DNAJC3: variants seen among roughly 807,000 people sequenced by gnomAD.
DNAJC3 encodes the protein dnaJ homolog subfamily C member 3.
DNAJC3 carries 38 observed loss-of-function variants against 68.6 expected under a neutral mutation model. The ratio of observed to expected loss-of-function variants is 0.55; its 90% CI spans 0.43 to 0.73. The LOEUF is 0.73. DNAJC3 is among the 30% of genes least tolerant of loss of function. The pLI, the probability that DNAJC3 is intolerant of heterozygous loss-of-function variation, is 0.00. For missense variants in DNAJC3, 526 were observed against 591.9 expected (o/e 0.89, Z 1.16); for synonymous variants, 203 against 204.0 (o/e 1.00, Z 0.04).
intron 2 of DNAJC3, among the ~76,000 whole-genome samples, chr13:95,718,806 G>A (rs1359236844): frequency 6.6e-6 from 1 of 152,178 alleles, no homozygotes; most frequent in East Asian, 1.9e-4. Context: ...GAATTCTTCT[G>A]TGACCTCTGG....
intron 4 of DNAJC3, among the ~76,000 whole-genome samples, chr13:95,743,101 C>G (rs1882199093): frequency 6.6e-6 from 1 of 152,160 alleles, no homozygotes; most frequent in African/African-American, 2.4e-5. Context: ...TTTTATGGGA[C>G]TATTTCTAGG....
chr13:95,788,550 A>T (rs1883669994), intron 11 of DNAJC3, among the ~76,000 whole-genome samples: 1 of 152,224 alleles, frequency 6.6e-6, no homozygotes, highest in African/African-American at 2.4e-5. Context: ...GAATATGTTT[A>T]GTAGAATCAC....
chr13:95,741,915 G>A (rs562442329), intron 4 of DNAJC3, among the ~76,000 whole-genome samples: 55 of 152,352 alleles, frequency 3.6e-4, no homozygotes, highest in African/African-American at 1.3e-3. Flanking sequence ...AGCCATGCCA[G>A]GCAGAACTAT....
chr13:95,690,696 G>A (rs1445901125), intron 1 of DNAJC3, among the ~76,000 whole-genome samples: 2 of 147,314 alleles, frequency 1.4e-5, no homozygotes, highest in African/African-American at 5.0e-5. Context: ...GGACGGGGCG[G>A]CTGGCTGGGC....
In DNAJC3 at chr13:95,760,225, A is replaced by G. The variant is rs1207415914; in HGVS notation, c.728+4A>G. ...GAGACCACGAACTGTCCCTCAGGTC[A>G]GTTCTAGTGACACACATGTCTGATC... On this transcript the variant is annotated splice_donor_region_variant and intron_variant, in intron 6 of 11. Coordinates refer to ENST00000602402, the MANE Select transcript of DNAJC3 (RefSeq NM_006260.5). The G allele has an allele frequency of 1.6e-5, 25 of 1,537,940 alleles. No individual in the cohort carries two copies. The highest frequency in any genetic ancestry group is 2.2e-5 in the Non-Finnish European group (25 of 1,142,832).
At chr13:95,732,561 C>G (rs1210470280) in intron 4 of DNAJC3, among the ~76,000 whole-genome samples, 3 of 93,294 alleles carry the variant, frequency 3.2e-5, no homozygotes, top group Non-Finnish European at 5.9e-5. Flanking sequence ...TGGGCCTTTT[C>G]TCGTTTTTTT....
At chr13:95,722,899 T>C (rs1011716378) in intron 2 of DNAJC3, among the ~76,000 whole-genome samples, 2 of 144,560 alleles carry the variant, frequency 1.4e-5, no homozygotes, top group African/African-American at 5.1e-5. Context: ...TTGCGAACTT[T>C]TTTTCTAAAG....
In DNAJC3 at chr13:95,792,294, A is replaced by G. The variant is rs1883801114; in HGVS notation, c.*1264A>G. On this transcript the variant is annotated 3_prime_UTR_variant, in exon 12 of 12. Transcript: ENST00000602402. Reference sequence around the variant, plus strand: ...ATACTGAATGCTTTTTCCCTAAAAAATGTTAATCAAGAATATTGAATATTT... The same window carrying G: ...ATACTGAATGCTTTTTCCCTAAAAAGTGTTAATCAAGAATATTGAATATTT... The G allele has an allele frequency of 6.6e-6, 1 of 152,258 alleles. No homozygotes were observed. The highest frequency in any genetic ancestry group is 1.5e-5 in the Non-Finnish European group (1 of 68,042). 9.4% of individuals were successfully genotyped at this position (152,258 alleles called of 1,614,324 possible).
chr13:95,738,760 G>T (rs1257613892), intron 4 of DNAJC3, among the ~76,000 whole-genome samples: 1 of 152,108 alleles, frequency 6.6e-6, no homozygotes, highest in Non-Finnish European at 1.5e-5. Context: ...ACACTGATGG[G>T]TCTTGACTCT....
At chr13:95,736,851 C>T (rs1326983999) in intron 4 of DNAJC3, among the ~76,000 whole-genome samples, 5 of 148,232 alleles carry the variant, frequency 3.4e-5, no homozygotes, top group African/African-American at 5.2e-5. Flanking sequence ...GAACTTCCAA[C>T]ACTATGTTGA....
intron 1 of DNAJC3, among the ~76,000 whole-genome samples, chr13:95,679,199 C>CT (rs3086610): frequency 0.19 from 20,135 of 108,342 alleles, 2,170 homozygotes; most frequent in East Asian, 0.28. Flanking sequence ...AAAATCAGCA[C>CT]TTTTTTTTTT....
At chr13:95,753,903 G>T (rs1336173068) in intron 4 of DNAJC3, among the ~76,000 whole-genome samples, 4 of 152,088 alleles carry the variant, frequency 2.6e-5, no homozygotes, top group Admixed American at 2.6e-4. Flanking sequence ...CAGGAATGGG[G>T]TTTAATTAAT....
chr13:95,776,969 C>T (rs1183612112), intron 9 of DNAJC3, among the ~76,000 whole-genome samples: 1 of 152,190 alleles, frequency 6.6e-6, no homozygotes, highest in African/African-American at 2.4e-5. Context: ...TGTTAGTCCC[C>T]TGCTTTGTGT....
chr13:95,752,752 AG>A (rs1182364456), intron 4 of DNAJC3, among the ~76,000 whole-genome samples: 5 of 152,198 alleles, frequency 3.3e-5, no homozygotes, highest in Admixed American at 2.6e-4. Context: ...GACCCCTGAA[AG>A]GGCACTAAGG....
intron 9 of DNAJC3, among the ~76,000 whole-genome samples, chr13:95,770,249 G>T (rs1174487969): frequency 1.3e-5 from 2 of 151,536 alleles, no homozygotes; most frequent in African/African-American, 4.9e-5. Context: ...TAATGAAGAG[G>T]CTTCTTTAAG....
At chr13:95,772,702 TAAA>T (rs1883188898) in intron 9 of DNAJC3, among the ~76,000 whole-genome samples, 1 of 152,246 alleles carries the variant, frequency 6.6e-6, no homozygotes, top group African/African-American at 2.4e-5. Flanking sequence ...CTTACCCACT[TAAA>T]AATATTTGCT....
At chr13:95,767,978 T>C (rs1432578308) in intron 9 of DNAJC3, among the ~76,000 whole-genome samples, 2 of 152,162 alleles carry the variant, frequency 1.3e-5, no homozygotes, top group African/African-American at 4.8e-5. Context: ...GTGATGGGAT[T>C]ACAGGCGTGA....
At position 95,791,354 on chromosome 13, in the gene DNAJC3, T is replaced by C; in HGVS notation, c.*324T>C. The C allele has an allele frequency of 3.1e-6, 1 of 324,946 alleles. No homozygotes were observed. The highest frequency in any genetic ancestry group is 5.8e-6 in the Non-Finnish European group (1 of 173,818). 20.1% of individuals were successfully genotyped at this position (324,946 alleles called of 1,614,324 possible). On this transcript the variant is annotated 3_prime_UTR_variant, in exon 12 of 12. Coordinates refer to ENST00000602402, the MANE Select transcript of DNAJC3 (RefSeq NM_006260.5). Reference sequence around the variant, plus strand: ...TATTTTTCTACACTGGAGCTGAGATTCTTCTCTTCACAGCCTTGCAGAGTA... The same window carrying C: ...TATTTTTCTACACTGGAGCTGAGATCCTTCTCTTCACAGCCTTGCAGAGTA...
chr13:95,787,183 C>A (rs1428335837), intron 11 of DNAJC3, 28 bp downstream of exon 11: 1 of 1,604,356 alleles, frequency 6.2e-7, no homozygotes, highest in South Asian at 1.1e-5. Context: ...TCCTTTGACT[C>A]ATCCTAGAGG....
Sources: allele counts gnomAD v4.1 joint callset (sites outside exome capture counted in the v4.1 genomes callset), GRCh38; gene constraint gnomAD v4.1.1; transcripts MANE v1.5; gene names NCBI Gene and HGNC (gene_info 2026-07-23, HGNC 2026-07-21).